The following CFAP410 variants were observed in gnomAD, a reference collection of about 807,000 sequenced individuals.
The protein encoded by CFAP410 is cilia and flagella associated protein 410.
CFAP410 carries 27 observed loss-of-function variants against 25.7 expected under a neutral mutation model. The ratio of observed to expected loss-of-function variants is 1.05; its 90% CI spans 0.77 to 1.45. CFAP410 has a LOEUF of 1.45. Among genes scored for constraint, CFAP410 ranks in the 40% most tolerant of loss-of-function variants. CFAP410 has a pLI of 0.00. For missense variants in CFAP410, 428 were observed against 354.1 expected (o/e 1.21, Z -1.67); for synonymous variants, 178 against 158.4 (o/e 1.12, Z -0.93).
chr21:44,338,253 C>G lies in CFAP410; in HGVS notation c.78-586G>C, dbSNP rs950647958. On this transcript the variant is annotated intron_variant, in intron 1 of 6. Coordinates refer to ENST00000339818, the MANE Select transcript of CFAP410 (RefSeq NM_004928.3). ...GCTCACTCTGGGCAGTCTGCGGACA[C>G]CCCTGGGAGGAAGCGTCTGCTCTCG... The G allele has an allele frequency of 4.7e-6, 6 of 1,280,372 alleles. No individual in the cohort carries two copies. In the African/African-American group the frequency reaches 9.2e-5, roughly 20 times the overall value. 79.3% of individuals were successfully genotyped at this position (1,280,372 alleles called of 1,614,324 possible). A position where few individuals can be genotyped will look rare whatever the true frequency, so the allele number is the denominator to read the frequency against.
In CFAP410 at chr21:44,335,860, A is replaced by G. The variant is rs562586179; in HGVS notation, c.97-56T>C. 67 of 1,337,140 alleles carry G rather than the reference A, an allele frequency of 5.0e-5. No individual in the cohort carries two copies. The South Asian group carries it at 6.7e-4, about 13-fold the overall frequency. The allele number at this position is 1,337,140 out of a possible 1,614,324, so 82.8% of individuals were successfully genotyped here. On this transcript the variant is annotated intron_variant, in intron 2 of 6. Coordinates refer to ENST00000339818, the MANE Select transcript of CFAP410 (RefSeq NM_004928.3). Reference sequence around the variant, plus strand: ...TGGCACAGCAGGGCATCGCGGCCGCACTGCCATCAGCCACAGAGAACTGTC... The same window carrying G: ...TGGCACAGCAGGGCATCGCGGCCGCGCTGCCATCAGCCACAGAGAACTGTC...
At chr21:44,332,905 T>G in intron 4 of CFAP410, 128 bp downstream of exon 4, 6 of 676,904 alleles carry the variant, frequency 8.9e-6, no homozygotes, top group South Asian at 7.6e-5. Context: ...TGGAGGAGAC[T>G]TCACAGGACA....
At chr21:44,330,482 G>A (rs771057153) in intron 6 of CFAP410, 156 bp from the exon 7 acceptor site, 204 of 1,538,128 alleles carry the variant, frequency 1.3e-4, no homozygotes, top group Non-Finnish European at 1.7e-4. Context: ...CGGAGAATCT[G>A]AGCAGAGGAG....
chr21:44,330,770 C>T (rs1228547821), intron 6 of CFAP410, 53 bp downstream of exon 6: 1 of 1,552,056 alleles, frequency 6.4e-7, no homozygotes, highest in African/African-American at 1.4e-5. Flanking sequence ...GGTTTCTGTG[C>T]AGTGGGTGCA....
Position 44,339,156 on chromosome 21 carries a change from C to T in CFAP410, c.39G>A (p.Lys13=), listed in dbSNP as rs1178025587. ...TGCGCACGCTGTGCAGCTCCGAGGCCTTGGCCCGGGTCAGAACCATCTTCC... is the reference window on the plus strand; with the variant it reads ...TGCGCACGCTGTGCAGCTCCGAGGCTTTGGCCCGGGTCAGAACCATCTTCC... The part of the protein sequence containing the change: ...LTRKMVLTRA[K]ASELHSVRKL... The change falls in exon 1 of 7, where the codon AAG becomes AAA. Residue 13 remains lysine, a synonymous_variant. Coordinates refer to ENST00000339818, the MANE Select transcript of CFAP410 (RefSeq NM_004928.3). 3 of 1,474,554 alleles carry T rather than the reference C, an allele frequency of 2.0e-6. No individual in the cohort carries two copies. The highest frequency in any genetic ancestry group is 2.7e-6 in the Non-Finnish European group (3 of 1,109,386). The allele number at this position is 1,474,554 out of a possible 1,614,324, so 91.3% of individuals were successfully genotyped here. A position where few individuals can be genotyped will look rare whatever the true frequency, so the allele number is the denominator to read the frequency against.
At chr21:44,338,279 C>G in intron 1 of CFAP410, 1 of 1,286,598 alleles carries the variant, frequency 7.8e-7, no homozygotes, top group Non-Finnish European at 1.0e-6. Flanking sequence ...TCTGCTCTCG[C>G]TGACCCCCAC....
At chr21:44,338,008 G>A (rs559324166) in intron 1 of CFAP410, among the ~76,000 whole-genome samples, 5 of 152,298 alleles carry the variant, frequency 3.3e-5, no homozygotes, top group East Asian at 1.9e-4. Flanking sequence ...AAACAAGGGC[G>A]TCTTTATAAG....
chr21:44,332,030 CAG>C lies in CFAP410; in HGVS notation c.374-18_374-17del, dbSNP rs1421615606. On this transcript the variant is annotated splice_polypyrimidine_tract_variant and intron_variant, in intron 4 of 6. Coordinates refer to ENST00000339818, the MANE Select transcript of CFAP410 (RefSeq NM_004928.3). ...TCCGTCACAGCTTTGGGATGAAAGA[CAG>C]AAGACAGCATGAGTGGCCTCACCCA... is the stretch of plus-strand genomic sequence containing the variant. 2.5e-6 allele frequency: 4 copies of C among 1,584,786 alleles called. No homozygotes were observed. In the South Asian group the frequency reaches 3.4e-5, roughly 14 times the overall value.
rs773872732 is a variant in CFAP410 at position 44,331,857 on chromosome 21, G to A, written c.531C>T (p.Ser177=). ...AAETGRDPLD[S]EEEATSGAQD... ...TCCAGCCTCACGTTGCCTCCTCCTCGCTGTCCAGCGGGTCCCGGCCAGTCT... is the reference window on the plus strand; with the variant it reads ...TCCAGCCTCACGTTGCCTCCTCCTCACTGTCCAGCGGGTCCCGGCCAGTCT... The change falls in exon 5 of 7, where the codon AGC becomes AGT. Residue 177 remains serine (S), a synonymous_variant. Coordinates refer to ENST00000339818, the MANE Select transcript of CFAP410 (RefSeq NM_004928.3). 21 of 1,610,828 alleles carry A rather than the reference G, an allele frequency of 1.3e-5. No individual in the cohort carries two copies. The highest frequency in any genetic ancestry group is 2.7e-5 in the African/African-American group (2 of 74,872).
In CFAP410 at chr21:44,333,021, G is replaced by A; in HGVS notation, c.373+12C>T. ...TTTTGGGAGGGCCGGTGACTCCGCT[G>A]CGGCCACCTACCCTGGTTGTCCAGC... On this transcript the variant is annotated intron_variant, in intron 4 of 6. Coordinates refer to ENST00000339818, the MANE Select transcript of CFAP410 (RefSeq NM_004928.3). 6.4e-7 allele frequency: 1 copy of A among 1,557,836 alleles called. No homozygotes were observed. The highest frequency in any genetic ancestry group is 1.1e-5 in the South Asian group (1 of 86,984).
intron 3 of CFAP410, chr21:44,333,701 A>AC (rs941353819): frequency 5.5e-5 from 16 of 289,566 alleles, no homozygotes; most frequent in African/African-American, 2.2e-4. Context: ...GACCTTCCAA[A>AC]CCCCCACTTG....
intron 5 of CFAP410, chr21:44,331,598 G>C (rs1346026213): frequency 1.9e-6 from 1 of 515,498 alleles, no homozygotes; most frequent in African/African-American, 2.0e-5. Flanking sequence ...ACGGGGCCTG[G>C]CTCACCCCCT....
At chr21:44,336,613 T>C (rs2047761339) in intron 2 of CFAP410, among the ~76,000 whole-genome samples, 2 of 152,146 alleles carry the variant, frequency 1.3e-5, no homozygotes, top group Non-Finnish European at 2.9e-5. Flanking sequence ...GTCAGATGCG[T>C]CCCATGTATA....
At chr21:44,332,850 G>A (rs1025650813) in intron 4 of CFAP410, 183 bp downstream of exon 4, 40 of 605,494 alleles carry the variant, frequency 6.6e-5, no homozygotes, top group Non-Finnish European at 1.0e-4. Flanking sequence ...GCTGCATTCG[G>A]GTGGCGGGAT....
In CFAP410 at chr21:44,334,349, C is replaced by T. The variant is rs763885757; in HGVS notation, c.144-1087G>A. The stretch of plus-strand genomic sequence containing the variant: ...AGGGATAGGGCTGGATCCACAGCCC[C>T]GCCCCAAGCTTCCTGCCACCGTGGG... On this transcript the variant is annotated intron_variant, in intron 3 of 6. Coordinates refer to ENST00000339818, the MANE Select transcript of CFAP410 (RefSeq NM_004928.3). The T allele has an allele frequency of 3.3e-4, 144 of 437,902 alleles. 1 individual carries two copies. Among genetic ancestry groups the T allele is most frequent in the South Asian group, 2.2e-3 (140 of 63,560 alleles). The allele number at this position is 437,902 out of a possible 1,614,324, so 27.1% of individuals were successfully genotyped here.
At chr21:44,334,599 C>T in intron 3 of CFAP410, 1 of 317,326 alleles carries the variant, frequency 3.2e-6, no homozygotes, top group South Asian at 2.5e-5. Context: ...ATCTCCTCCT[C>T]ATCTCCCTGT....
chr21:44,331,771 C>T, intron 5 of CFAP410, 72 bp downstream of exon 5: 1 of 1,443,978 alleles, frequency 6.9e-7, no homozygotes, highest in Non-Finnish European at 9.4e-7. Context: ...CGGGAAGCCC[C>T]ATTCACTCCC....
chr21:44,338,384 C>G, intron 1 of CFAP410: 3 of 1,114,880 alleles, frequency 2.7e-6, no homozygotes, highest in Non-Finnish European at 3.6e-6. Flanking sequence ...ACTCCAGGCT[C>G]CCTCTTCTGG....
chr21:44,333,028 C>T lies in CFAP410; in HGVS notation c.373+5G>A. Reference sequence around the variant, plus strand: ...AGGGCCGGTGACTCCGCTGCGGCCACCTACCCTGGTTGTCCAGCTTCTGTA... The same window carrying T: ...AGGGCCGGTGACTCCGCTGCGGCCATCTACCCTGGTTGTCCAGCTTCTGTA... On this transcript the variant is annotated splice_donor_5th_base_variant and intron_variant, in intron 4 of 6. Coordinates refer to ENST00000339818, the MANE Select transcript of CFAP410 (RefSeq NM_004928.3). 1 of 1,579,178 alleles carries T rather than the reference C, an allele frequency of 6.3e-7. No homozygotes were observed. The highest frequency in any genetic ancestry group is 8.6e-7 in the Non-Finnish European group (1 of 1,156,832).
Sources: gnomAD v4.1 joint callset for allele counts (sites outside exome capture counted in the v4.1 genomes callset) on GRCh38, gnomAD v4.1.1 for gene constraint, MANE v1.5 for transcripts, NCBI Gene and HGNC (gene_info 2026-07-23, HGNC 2026-07-21) for gene names.